SLC35F3: variants seen among roughly 807,000 people sequenced by gnomAD.
SLC35F3 encodes the protein putative thiamine transporter SLC35F3.
A neutral mutation model predicts 49.9 loss-of-function variants in SLC35F3; 25 were observed. The ratio of observed to expected loss-of-function variants is 0.50; its 90% confidence interval spans 0.37 to 0.70. The LOEUF is 0.70. Among genes scored for constraint, SLC35F3 ranks in the 30% least tolerant of loss-of-function variants. The probability of loss-of-function intolerance (pLI) is 0.00; values close to 1 mark genes in which losing one functional copy is unlikely to be tolerated. For synonymous variants in SLC35F3, 275 were observed against 265.4 expected, an observed-to-expected ratio of 1.04 and a Z score of -0.35; for missense variants, 525 against 639.8, an observed-to-expected ratio of 0.82 and a Z score of 1.94.
chr1:234,135,759 C>A (rs1047455152), intron 2 of SLC35F3, among the ~76,000 whole-genome samples: 12 of 152,256 alleles, frequency 7.9e-5, no homozygotes, highest in African/African-American at 2.4e-4. Flanking sequence ...GCATTCCAGA[C>A]TCCTGAAAGG....
At chr1:234,269,533 C>G (rs1030547914) in intron 3 of SLC35F3, among the ~76,000 whole-genome samples, 1 of 152,148 alleles carries the variant, frequency 6.6e-6, no homozygotes, top group Non-Finnish European at 1.5e-5. Context: ...GCTGCCCTCC[C>G]TTTACATTCC....
chr1:233,907,965 A>G (rs185019428), intron 2 of SLC35F3, among the ~76,000 whole-genome samples: 1 of 152,330 alleles, frequency 6.6e-6, no homozygotes. Context: ...ACCTCAGGTT[A>G]TCCACCCACC....
chr1:234,147,808 G>A lies in SLC35F3; in HGVS notation c.284-83609G>A, dbSNP rs568311232. Among the ~76,000 whole-genome samples the A allele has an allele frequency of 1.8e-4, 27 of 152,330 alleles. No individual in the cohort carries two copies. In the East Asian group the frequency reaches 4.2e-3, roughly 24 times the overall value. On this transcript the variant is annotated intron_variant, in intron 2 of 7. Coordinates refer to ENST00000366618, the MANE Select transcript of SLC35F3 (RefSeq NM_173508.4). ...AGCTTCATTGTGAATCTGAATGACCGGAGAGCTTATTACAGTACAGAGTGC... is the reference window on the plus strand; with the variant it reads ...AGCTTCATTGTGAATCTGAATGACCAGAGAGCTTATTACAGTACAGAGTGC...
intron 3 of SLC35F3, among the ~76,000 whole-genome samples, chr1:234,253,585 T>C (rs572373868): frequency 2.2e-4 from 34 of 152,028 alleles, no homozygotes; most frequent in Non-Finnish European, 4.3e-4. Context: ...AATGGTTAAA[T>C]GCATTATGTT....
chr1:233,917,862 A>ATACGTATAAAAAAATTTATACGCT (rs1661996845), intron 2 of SLC35F3, among the ~76,000 whole-genome samples: 1 of 152,236 alleles, frequency 6.6e-6, no homozygotes. Flanking sequence ...ACGCTAATAA[A>ATACGTATAAAAAAATTTATACGCT]AACCAAAATA....
chr1:233,955,897 T>A (rs946719688), intron 2 of SLC35F3, among the ~76,000 whole-genome samples: 13 of 140,554 alleles, frequency 9.2e-5, no homozygotes, highest in Non-Finnish European at 1.9e-4. Context: ...TTTTTTTTTT[T>A]TTTTTTTTGA....
In SLC35F3 at chr1:234,072,579, C is replaced by T. The variant is rs777804329; in HGVS notation, c.284-158838C>T. Reference sequence around the variant, plus strand: ...ACAGGAGAACTTGCCATTTTCTATGCGGTGACCGGGGAAGTATCTCTGATG... The same window carrying T: ...ACAGGAGAACTTGCCATTTTCTATGTGGTGACCGGGGAAGTATCTCTGATG... On this transcript the variant is annotated intron_variant, in intron 2 of 7. Transcript: ENST00000366618. 2.0e-5 allele frequency among the ~76,000 whole-genome samples: 3 copies of T among 152,026 alleles called. No individual in the cohort carries two copies. The South Asian group carries it at 6.2e-4, about 32-fold the overall frequency.
At chr1:234,205,268 T>C (rs1328452103) in intron 2 of SLC35F3, among the ~76,000 whole-genome samples, 1 of 151,958 alleles carries the variant, frequency 6.6e-6, no homozygotes, top group Non-Finnish European at 1.5e-5. Context: ...CTTTGGGGAG[T>C]ATTACTGATC....
intron 6 of SLC35F3, 103 bp downstream of exon 6, chr1:234,319,046 T>C (rs1027064686): frequency 1.6e-5 from 15 of 919,486 alleles, no homozygotes; most frequent in Non-Finnish European, 2.3e-5. Context: ...TCTTTGCTAT[T>C]CTTTAGTTCT....
intron 2 of SLC35F3, among the ~76,000 whole-genome samples, chr1:234,096,068 T>C (rs12079363): frequency 0.16 from 24,149 of 152,252 alleles, 3,437 homozygotes; most frequent in East Asian, 0.82. Context: ...AAACTGTGCT[T>C]ATGTTTATCA....
intron 3 of SLC35F3, among the ~76,000 whole-genome samples, chr1:234,277,409 A>C (rs75911843): frequency 3.6e-4 from 55 of 152,364 alleles, no homozygotes; most frequent in African/African-American, 1.2e-3. Flanking sequence ...GCCGTGTGCT[A>C]TAGCCAGAAT....
intron 3 of SLC35F3, among the ~76,000 whole-genome samples, chr1:234,287,496 A>G (rs1288682052): frequency 6.6e-6 from 1 of 152,200 alleles, no homozygotes; most frequent in Admixed American, 6.5e-5. Flanking sequence ...CAAAAAGATC[A>G]CTAATAATAA....
chr1:234,295,838 G>A (rs1016556241), intron 3 of SLC35F3, among the ~76,000 whole-genome samples: 21 of 152,286 alleles, frequency 1.4e-4, no homozygotes, highest in East Asian at 3.9e-4. Context: ...GGACTCTGAC[G>A]GGCACCCTCA....
At chr1:233,953,727 T>C (rs1231893363) in intron 2 of SLC35F3, among the ~76,000 whole-genome samples, 1 of 152,022 alleles carries the variant, frequency 6.6e-6, no homozygotes, top group African/African-American at 2.4e-5. Context: ...CAGGGTAGAA[T>C]GTACAGAGAG....
chr1:234,083,095 T>C (rs1664906437), intron 2 of SLC35F3, among the ~76,000 whole-genome samples: 1 of 152,246 alleles, frequency 6.6e-6, no homozygotes, highest in East Asian at 1.9e-4. Context: ...TTCTGTTTCC[T>C]CCTTAATTTT....
At chr1:234,196,209 C>A (rs2102931988) in intron 2 of SLC35F3, among the ~76,000 whole-genome samples, 1 of 152,326 alleles carries the variant, frequency 6.6e-6, no homozygotes. Context: ...CTGCCCCCTT[C>A]CATGGCAACA....
chr1:234,306,161 T>A lies in SLC35F3; in HGVS notation c.609-2940T>A, dbSNP rs1310567965. Reference sequence around the variant, plus strand: ...TCCTGAGATATTGTGCTGGGTTTTTTTGTTTGTTTGTTTTTTGAGATGGAG... The same window carrying A: ...TCCTGAGATATTGTGCTGGGTTTTTATGTTTGTTTGTTTTTTGAGATGGAG... On this transcript the variant is annotated intron_variant, in intron 3 of 7. Transcript: ENST00000366618. Among the ~76,000 whole-genome samples the A allele has an allele frequency of 2.0e-5, 3 of 152,178 alleles. No individual in the cohort carries two copies. The East Asian group carries it at 5.8e-4, about 29-fold the overall frequency.
At chr1:234,036,382 T>C (rs1664144953) in intron 2 of SLC35F3, among the ~76,000 whole-genome samples, 1 of 152,180 alleles carries the variant, frequency 6.6e-6, no homozygotes, top group Non-Finnish European at 1.5e-5. Flanking sequence ...GGCTATTTAA[T>C]TGAGGGATAT....
At chr1:234,172,883 G>A (rs1033455920) in intron 2 of SLC35F3, among the ~76,000 whole-genome samples, 5 of 152,204 alleles carry the variant, frequency 3.3e-5, no homozygotes, top group Non-Finnish European at 5.9e-5. Context: ...TATGCAGTGC[G>A]TGGCTGTGAT....
Sources: allele counts gnomAD v4.1 joint callset (sites outside exome capture counted in the v4.1 genomes callset), GRCh38; gene constraint gnomAD v4.1.1; transcripts MANE v1.5; gene names NCBI Gene and HGNC (gene_info 2026-07-23, HGNC 2026-07-21).